Variants in SYNE2 observed in about 807,000 individuals in gnomAD.
The protein encoded by SYNE2 is nesprin-2.
A neutral mutation model predicts 856.3 loss-of-function variants in SYNE2; 431 were observed. The ratio of observed to expected loss-of-function variants is 0.50; its 90% confidence interval spans 0.47 to 0.55. The LOEUF (loss-of-function observed/expected upper bound fraction) is 0.55. Among genes scored for constraint, SYNE2 ranks in the 20% least tolerant of loss-of-function variants. The pLI is 0.00. For missense variants in SYNE2, 8,129 were observed against 8,023.2 expected (o/e 1.01, Z -0.50); for synonymous variants, 2,923 against 2,872.3 (o/e 1.02, Z -0.56).
chr14:64,141,319 A>G, intron 80 of SYNE2, 22 bp from the exon 81 acceptor site: 1 of 1,602,502 alleles, frequency 6.2e-7, no homozygotes, highest in Non-Finnish European at 8.5e-7. Flanking sequence ...TTAAGTTTCT[A>G]AATTTTAAAA....
chr14:64,196,414 A>G (rs1400953934), intron 99 of SYNE2, among the ~76,000 whole-genome samples: 4 of 152,204 alleles, frequency 2.6e-5, no homozygotes, highest in Non-Finnish European at 5.9e-5. Context: ...AAGGAAAATT[A>G]CAGAATTTCT....
intron 1 of SYNE2, among the ~76,000 whole-genome samples, chr14:63,887,787 C>G (rs1035831581): frequency 8.0e-6 from 1 of 124,376 alleles, no homozygotes; most frequent in African/African-American, 3.2e-5. Flanking sequence ...GAGTCTTGCT[C>G]TGTCATCTAG....
intron 1 of SYNE2, among the ~76,000 whole-genome samples, chr14:63,779,549 C>A (rs993323490): frequency 2.6e-5 from 4 of 151,744 alleles, no homozygotes; most frequent in African/African-American, 9.7e-5. Flanking sequence ...CAGGAACAAG[C>A]CAAGACGTCC....
At chr14:63,809,738 T>G (rs1464362280) in intron 1 of SYNE2, among the ~76,000 whole-genome samples, 1 of 152,150 alleles carries the variant, frequency 6.6e-6, no homozygotes, top group Admixed American at 6.5e-5. Flanking sequence ...AGGCCTCAAG[T>G]GATCCTCTTC....
At position 63,865,901 on chromosome 14, in the gene SYNE2, ATCT is replaced by A. The variant is rs1895174671; in HGVS notation, c.-52+12763_-52+12765del. 1.3e-5 allele frequency among the ~76,000 whole-genome samples: 2 copies of A among 152,052 alleles called. 1 individual carries two copies. The highest frequency in any genetic ancestry group is 4.2e-4 in the South Asian group (2 of 4,816). ...TAGCTCATTAAAAAAGGATTTATGG[ATCT>A]TCTTGGAAGATAACACTTCCAACAA... On this transcript the variant is annotated intron_variant, in intron 1 of 115. Coordinates refer to ENST00000555002, the MANE Select transcript of SYNE2 (RefSeq NM_182914.3).
chr14:63,884,369 C>T (rs929625380), intron 1 of SYNE2, among the ~76,000 whole-genome samples: 5 of 152,166 alleles, frequency 3.3e-5, no homozygotes, highest in African/African-American at 1.2e-4. Flanking sequence ...TTCTATCCGT[C>T]CATCTGTCCA....
chr14:63,978,622 A>C (rs1019489419), intron 13 of SYNE2, among the ~76,000 whole-genome samples: 11 of 152,218 alleles, frequency 7.2e-5, no homozygotes, highest in Admixed American at 3.3e-4. Context: ...AGAATAGTTT[A>C]TTCAGAAAAT....
At chr14:63,842,920 C>T (rs1890116549) in intron 1 of SYNE2, among the ~76,000 whole-genome samples, 1 of 152,084 alleles carries the variant, frequency 6.6e-6, no homozygotes, top group African/African-American at 2.4e-5. Flanking sequence ...GTTACGTTTA[C>T]TCTTAGATAT....
chr14:64,149,655 G>A lies in SYNE2; in HGVS notation c.15640-2909G>A, dbSNP rs149926534. Among the ~76,000 whole-genome samples the A allele has an allele frequency of 1.3e-3, 195 of 152,270 alleles. 1 individual carries two copies. Among genetic ancestry groups the A allele is most frequent in the African/African-American group, 4.3e-3 (179 of 41,550 alleles). ...CACAGCTTCTTAAAGAAGTATGTTC[G>A]TGATAAAGTCAGAGGAATTTAGATA... On this transcript the variant is annotated intron_variant, in intron 84 of 115. Coordinates refer to ENST00000555002, the MANE Select transcript of SYNE2 (RefSeq NM_182914.3).
chr14:63,949,143 C>A (rs915662945), intron 6 of SYNE2, among the ~76,000 whole-genome samples: 4 of 151,948 alleles, frequency 2.6e-5, no homozygotes, highest in Non-Finnish European at 5.9e-5. Context: ...ATGGATTTAT[C>A]TTTTAATGTT....
intron 1 of SYNE2, among the ~76,000 whole-genome samples, chr14:63,868,286 G>C (rs1015413052): frequency 2.0e-5 from 3 of 151,934 alleles, no homozygotes; most frequent in Admixed American, 2.0e-4. Context: ...CCAAGCCTGA[G>C]TAACATGGCA....
At chr14:63,940,783 G>A in intron 3 of SYNE2, 108 bp downstream of exon 3, 2 of 938,024 alleles carry the variant, frequency 2.1e-6, no homozygotes, top group Non-Finnish European at 1.7e-6. Context: ...GTGATGACAG[G>A]GAAAAGGTTG....
At chr14:63,994,945 C>A in intron 22 of SYNE2, 99 bp from the exon 23 acceptor site, 1 of 792,148 alleles carries the variant, frequency 1.3e-6, no homozygotes, top group South Asian at 1.8e-5. Context: ...AGCTTTGTTT[C>A]TGTCCTTTTG....
chr14:64,178,077 G>C (rs2098442652), intron 96 of SYNE2, among the ~76,000 whole-genome samples: 1 of 152,154 alleles, frequency 6.6e-6, no homozygotes, highest in South Asian at 2.1e-4. Context: ...CAGCTTTGAT[G>C]TTTAAAAGAC....
intron 2 of SYNE2, among the ~76,000 whole-genome samples, chr14:63,911,838 AT>A (rs2095476941): frequency 6.6e-6 from 1 of 152,244 alleles, no homozygotes; most frequent in South Asian, 2.1e-4. Context: ...GCTCAAAATA[AT>A]TAGCAAATTA....
chr14:64,139,464 T>A (rs1428472946), intron 79 of SYNE2, among the ~76,000 whole-genome samples: 2 of 151,642 alleles, frequency 1.3e-5, no homozygotes, highest in African/African-American at 4.9e-5. Flanking sequence ...CAGGCTGGAG[T>A]ACAGTGGCGC....
chr14:64,179,123 C>T (rs1297948798), intron 96 of SYNE2, among the ~76,000 whole-genome samples: 1 of 151,972 alleles, frequency 6.6e-6, no homozygotes, highest in Admixed American at 6.6e-5. Flanking sequence ...ATAAGCAGTA[C>T]TATATATAAT....
At chr14:64,140,200 C>A in intron 80 of SYNE2, 127 bp downstream of exon 80, 2 of 866,632 alleles carry the variant, frequency 2.3e-6, no homozygotes, top group South Asian at 1.4e-5. Context: ...GGGCGAATGG[C>A]AGCTGTGTTC....
intron 96 of SYNE2, among the ~76,000 whole-genome samples, chr14:64,179,000 C>T (rs1382691198): frequency 6.6e-6 from 1 of 151,848 alleles, no homozygotes; most frequent in Non-Finnish European, 1.5e-5. Flanking sequence ...TCCTTTGAGC[C>T]CAGTAGGTCG....
Sources: allele counts gnomAD v4.1 joint callset (sites outside exome capture counted in the v4.1 genomes callset), GRCh38; gene constraint gnomAD v4.1.1; transcripts MANE v1.5; gene names NCBI Gene and HGNC (gene_info 2026-07-23, HGNC 2026-07-21).